The following EIF4ENIF1 variants were observed in gnomAD, a reference collection of about 807,000 sequenced individuals.
EIF4ENIF1 encodes the protein eukaryotic translation initiation factor 4E nuclear import factor 1.
Under a neutral mutation model 110.5 loss-of-function variants are expected in EIF4ENIF1, and 23 were observed. That is an observed-to-expected ratio of 0.21 (90% CI 0.15 to 0.29). The LOEUF (loss-of-function observed/expected upper bound fraction) is 0.29, where lower values mean the gene tolerates loss of function less well. EIF4ENIF1 is among the 10% of genes least tolerant of loss of function. EIF4ENIF1 has a pLI of 1.00. For synonymous variants in EIF4ENIF1, 440 were observed against 437.0 expected, an observed-to-expected ratio of 1.01 and a Z score of -0.09; for missense variants, 1,031 against 1,221.1, an observed-to-expected ratio of 0.84 and a Z score of 2.32.
downstream of EIF4ENIF1, among the ~76,000 whole-genome samples, chr22:31,437,514 G>A (rs2050190247): frequency 8.0e-6 from 1 of 125,540 alleles, no homozygotes; most frequent in African/African-American, 3.1e-5. Context: ...GCTAAAACCT[G>A]TATGTCTAGC....
chr22:31,464,675 CAAAAAAA>C (rs770904708), intron 4 of EIF4ENIF1, among the ~76,000 whole-genome samples: 2 of 30,918 alleles, frequency 6.5e-5, no homozygotes, highest in African/African-American at 7.0e-4. Flanking sequence ...GATTCAGTCT[CAAAAAAA>C]AAAAAAAAAA....
chr22:31,440,210 CT>C, intron 18 of EIF4ENIF1, 89 bp from the exon 19 acceptor site: 1 of 1,587,086 alleles, frequency 6.3e-7, no homozygotes, highest in Non-Finnish European at 8.6e-7. Context: ...AAAGAAAAGT[CT>C]TTACTAGAGG....
At chr22:31,469,093 A>G (rs2051281704) in intron 3 of EIF4ENIF1, among the ~76,000 whole-genome samples, 1 of 152,132 alleles carries the variant, frequency 6.6e-6, no homozygotes, top group Non-Finnish European at 1.5e-5. Flanking sequence ...ACGACCTAAA[A>G]TGTGTAGTTT....
intron 7 of EIF4ENIF1, among the ~76,000 whole-genome samples, chr22:31,456,487 T>A (rs1301700058): frequency 6.6e-6 from 1 of 151,898 alleles, no homozygotes; most frequent in African/African-American, 2.4e-5. Flanking sequence ...CCTCCCAAAG[T>A]GCTGGGATTA....
At chr22:31,462,160 A>G (rs2051016430) in intron 6 of EIF4ENIF1, among the ~76,000 whole-genome samples, 1 of 146,314 alleles carries the variant, frequency 6.8e-6, no homozygotes, top group Non-Finnish European at 1.5e-5. Context: ...GGGAAACAGT[A>G]TGATCTACAC....
At chr22:31,466,324 A>C (rs2051185050) in intron 4 of EIF4ENIF1, among the ~76,000 whole-genome samples, 1 of 152,104 alleles carries the variant, frequency 6.6e-6, no homozygotes, top group Non-Finnish European at 1.5e-5. Flanking sequence ...GAGGCGCGAC[A>C]ATCGCTTGAA....
At chr22:31,471,724 CCT>C in intron 3 of EIF4ENIF1, 118 bp downstream of exon 3, 2 of 877,296 alleles carry the variant, frequency 2.3e-6, no homozygotes, top group Non-Finnish European at 3.6e-6. Context: ...TCTCGAAATC[CCT>C]CTTTCACTTA....
intron 10 of EIF4ENIF1, among the ~76,000 whole-genome samples, chr22:31,453,009 G>C (rs182529107): frequency 4.6e-5 from 7 of 151,386 alleles, no homozygotes; most frequent in Non-Finnish European, 8.8e-5. Context: ...TGGCTAACTG[G>C]TAAGTTCCCA....
At chr22:31,453,168 A>G (rs1235343798) in intron 10 of EIF4ENIF1, among the ~76,000 whole-genome samples, 1 of 152,176 alleles carries the variant, frequency 6.6e-6, no homozygotes, top group Non-Finnish European at 1.5e-5. Flanking sequence ...AGTGATATTA[A>G]CACATAGGCT....
chr22:31,487,808 A>G (rs867077080), intron 2 of EIF4ENIF1, among the ~76,000 whole-genome samples: 35 of 151,902 alleles, frequency 2.3e-4, no homozygotes, highest in Admixed American at 1.8e-3. Context: ...AAAAAAAAAA[A>G]AAAAAGAAAA....
Position 31,443,097 on chromosome 22 carries a change from G to T in EIF4ENIF1, c.2074-3C>A. ...GTAGGGGTAAAGGAAGGAGAAAGCT[G>T]CAGAGAAAAACAATTGGCATTAGCA... On this transcript the variant is annotated splice_polypyrimidine_tract_variant and splice_region_variant and intron_variant, in intron 15 of 18. Coordinates refer to ENST00000330125, the MANE Select transcript of EIF4ENIF1 (RefSeq NM_019843.4). 6.2e-7 allele frequency: 1 copy of T among 1,613,508 alleles called. No individual in the cohort carries two copies.
chr22:31,489,332 C>T (rs988636850), intron 1 of EIF4ENIF1: 2 of 152,760 alleles, frequency 1.3e-5, no homozygotes, highest in Admixed American at 6.5e-5. Flanking sequence ...ACCCGCAGCC[C>T]CTCACGCAGG....
At chr22:31,488,840 A>C in intron 1 of EIF4ENIF1, 95 bp from the exon 2 acceptor site, 1 of 1,399,322 alleles carries the variant, frequency 7.1e-7, no homozygotes, top group Non-Finnish European at 9.5e-7. Context: ...TTAATCTCTC[A>C]AAACAGCTAG....
At chr22:31,445,011 A>T (rs1384106215) in intron 14 of EIF4ENIF1, among the ~76,000 whole-genome samples, 2 of 152,212 alleles carry the variant, frequency 1.3e-5, no homozygotes, top group Non-Finnish European at 2.9e-5. Context: ...AAGAAATAAC[A>T]AGGCACTGCA....
At chr22:31,468,007 G>T (rs533422900) in intron 4 of EIF4ENIF1, among the ~76,000 whole-genome samples, 168 bp downstream of exon 4, 2 of 152,122 alleles carry the variant, frequency 1.3e-5, no homozygotes, top group African/African-American at 4.8e-5. Flanking sequence ...TGACAAAGTA[G>T]ACTATGACTT....
At chr22:31,447,359 T>TTTACTG in intron 14 of EIF4ENIF1, 67 bp downstream of exon 14, 1 of 1,585,944 alleles carries the variant, frequency 6.3e-7, no homozygotes, top group Non-Finnish European at 8.6e-7. Flanking sequence ...ATACTGCAGA[T>TTTACTG]AAGTAATTTA....
chr22:31,455,531 T>C (rs1368935459), intron 8 of EIF4ENIF1, among the ~76,000 whole-genome samples: 1 of 152,074 alleles, frequency 6.6e-6, no homozygotes, highest in Non-Finnish European at 1.5e-5. Context: ...CCTGAGTAGC[T>C]GGGACTACAG....
intron 3 of EIF4ENIF1, among the ~76,000 whole-genome samples, chr22:31,470,628 CA>C (rs1482129026): frequency 6.7e-6 from 1 of 148,452 alleles, no homozygotes; most frequent in Non-Finnish European, 1.5e-5. Flanking sequence ...TATTAGCCTA[CA>C]TTTTTTTTAA....
chr22:31,483,343 G>A (rs2051900429), intron 2 of EIF4ENIF1, among the ~76,000 whole-genome samples: 1 of 151,096 alleles, frequency 6.6e-6, no homozygotes, highest in Non-Finnish European at 1.5e-5. Flanking sequence ...GAGACTACAG[G>A]CAATACGCCA....
Sources: gnomAD v4.1 joint callset for allele counts (sites outside exome capture counted in the v4.1 genomes callset) on GRCh38, gnomAD v4.1.1 for gene constraint, MANE v1.5 for transcripts, NCBI Gene and HGNC (gene_info 2026-07-23, HGNC 2026-07-21) for gene names.